The following ENTREP2 variants were observed in gnomAD, a reference collection of about 807,000 sequenced individuals.
ENTREP2 encodes the protein protein ENTREP2.
At chr15:29,658,649 T>TA in the ENTREP2 span, among the ~76,000 whole-genome samples, 75 of 149,774 alleles carry the variant, frequency 5.0e-4, no homozygotes, top group East Asian at 2.1e-3. Flanking sequence ...AACAAATCAA[T>TA]AAAAAAAAAC....
At chr15:29,249,020 A>G in the ENTREP2 span, among the ~76,000 whole-genome samples, 1 of 152,386 alleles carries the variant, frequency 6.6e-6, no homozygotes, top group East Asian at 1.9e-4. Context: ...AAGTTGTAGA[A>G]TATTTTAAAA....
At chr15:29,164,715 C>G in the ENTREP2 span, among the ~76,000 whole-genome samples, 2 of 152,082 alleles carry the variant, frequency 1.3e-5, no homozygotes, top group Admixed American at 1.3e-4. Context: ...AGATAGACAG[C>G]AACACAATAA....
chr15:29,334,139 A>T, the ENTREP2 span, among the ~76,000 whole-genome samples: 1 of 152,186 alleles, frequency 6.6e-6, no homozygotes, highest in East Asian at 1.9e-4. Context: ...GTACTTTGTT[A>T]TGGGAGCCCA....
At chr15:29,616,775 A>C in the ENTREP2 span, among the ~76,000 whole-genome samples, 3 of 152,148 alleles carry the variant, frequency 2.0e-5, no homozygotes, top group Non-Finnish European at 4.4e-5. Flanking sequence ...TACAGAGATA[A>C]ATAAGAGGAA....
At chr15:29,495,330 G>A in the ENTREP2 span, among the ~76,000 whole-genome samples, 86 of 152,262 alleles carry the variant, frequency 5.6e-4, 1 homozygote, top group South Asian at 8.3e-4. Context: ...GTTGCCATTT[G>A]TATGTCTTCT....
At chr15:29,422,300 A>G in the ENTREP2 span, among the ~76,000 whole-genome samples, 3 of 152,094 alleles carry the variant, frequency 2.0e-5, no homozygotes, top group East Asian at 3.9e-4. Flanking sequence ...AAAAAGAAAA[A>G]AAAGAATGAG....
At chr15:29,464,106 T>C in the ENTREP2 span, among the ~76,000 whole-genome samples, 1 of 152,124 alleles carries the variant, frequency 6.6e-6, no homozygotes, top group Non-Finnish European at 1.5e-5. Context: ...AGAGGGAGTC[T>C]TCTGGAGATG....
chr15:29,124,832 G>A, the ENTREP2 span: 12 of 1,303,376 alleles, frequency 9.2e-6, no homozygotes, highest in South Asian at 6.3e-5. Context: ...ATCATAACCC[G>A]CCTGTGACTA....
At chr15:29,657,467 C>A in the ENTREP2 span, among the ~76,000 whole-genome samples, 1 of 57,138 alleles carries the variant, frequency 1.8e-5, no homozygotes, top group Non-Finnish European at 3.0e-5. Flanking sequence ...CGAGTTGCCG[C>A]TGTCGGCTGG....
the ENTREP2 span, among the ~76,000 whole-genome samples, chr15:29,619,409 A>AAAAAAAAAAG: frequency 6.6e-6 from 1 of 152,024 alleles, no homozygotes; most frequent in African/African-American, 2.4e-5. Context: ...AAATAAATAA[A>AAAAAAAAAAG]TAAGTCACAA....
the ENTREP2 span, among the ~76,000 whole-genome samples, chr15:29,418,873 C>A: frequency 2.0e-4 from 30 of 152,242 alleles, no homozygotes; most frequent in African/African-American, 6.8e-4. Context: ...CCCAGCAGGG[C>A]TATGGTTGGA....
At chr15:29,284,573 AC>A in the ENTREP2 span, among the ~76,000 whole-genome samples, 817 of 150,050 alleles carry the variant, frequency 5.4e-3, 12 homozygotes, top group African/African-American at 0.019. Flanking sequence ...AAAAAAAAAA[AC>A]CAAAAATAAA....
chr15:29,211,430 A>G, the ENTREP2 span, among the ~76,000 whole-genome samples: 2 of 152,216 alleles, frequency 1.3e-5, no homozygotes, highest in African/African-American at 4.8e-5. Context: ...ACTTCACTTC[A>G]GAATTCTTTA....
At chr15:29,396,279 C>T in the ENTREP2 span, among the ~76,000 whole-genome samples, 1 of 152,068 alleles carries the variant, frequency 6.6e-6, no homozygotes. Flanking sequence ...CTCCCCCAGC[C>T]CCGGGCAACT....
the ENTREP2 span, chr15:29,374,247 G>C: frequency 2.6e-5 from 4 of 152,012 alleles, no homozygotes; most frequent in Admixed American, 2.0e-4. Flanking sequence ...TTTCGTTTCG[G>C]TCCCATCTAT....
chr15:29,156,038 G>A, the ENTREP2 span, among the ~76,000 whole-genome samples: 2 of 152,148 alleles, frequency 1.3e-5, no homozygotes. Context: ...CAAACAGCAG[G>A]CACAGGTGGG....
the ENTREP2 span, among the ~76,000 whole-genome samples, chr15:29,615,648 A>T: frequency 6.6e-6 from 1 of 152,108 alleles, no homozygotes; most frequent in Non-Finnish European, 1.5e-5. Context: ...CATTCCCAAG[A>T]TGAGAGGGGA....
chr15:29,488,751 G>A, the ENTREP2 span, among the ~76,000 whole-genome samples: 4 of 152,212 alleles, frequency 2.6e-5, no homozygotes, highest in African/African-American at 9.6e-5. Context: ...CAGGGGACCA[G>A]AAGGCAATGA....
At chr15:29,497,453 A>G in the ENTREP2 span, among the ~76,000 whole-genome samples, 1 of 152,136 alleles carries the variant, frequency 6.6e-6, no homozygotes, top group African/African-American at 2.4e-5. Flanking sequence ...ACTCATTATT[A>G]GCCTGTTAAG....
Sources: gnomAD v4.1 joint callset for allele counts (sites outside exome capture counted in the v4.1 genomes callset) on GRCh38, gnomAD v4.1.1 for gene constraint, MANE v1.5 for transcripts, NCBI Gene and HGNC (gene_info 2026-07-23, HGNC 2026-07-21) for gene names.